The following C1QTNF3 variants were observed in gnomAD, a reference collection of about 807,000 sequenced individuals.
C1QTNF3 encodes the protein C1q and TNF related 3.
Under a neutral mutation model 32.6 loss-of-function variants are expected in C1QTNF3, and 26 were observed. The ratio of observed to expected loss-of-function variants is 0.80; its 90% CI spans 0.58 to 1.11. The LOEUF is 1.11. Ranked by LOEUF, C1QTNF3 falls within the 50% of genes least tolerant of loss-of-function variation. C1QTNF3 has a pLI of 0.00. For missense variants in C1QTNF3, 362 were observed against 398.2 expected (o/e 0.91, Z 0.77); for synonymous variants, 155 against 146.0 (o/e 1.06, Z -0.44).
At chr5:34,069,632 A>C in the C1QTNF3 span, among the ~76,000 whole-genome samples, 2 of 152,210 alleles carry the variant, frequency 1.3e-5, no homozygotes, top group Non-Finnish European at 2.9e-5. Context: ...ATTCTCAAAT[A>C]AAGGGAATGG....
At chr5:34,112,681 C>CA in the C1QTNF3 span, among the ~76,000 whole-genome samples, 4 of 151,614 alleles carry the variant, frequency 2.6e-5, no homozygotes, top group African/African-American at 4.8e-5. Flanking sequence ...AACAAACAGA[C>CA]AAAAAAAACC....
chr5:34,110,394 CT>C, the C1QTNF3 span, among the ~76,000 whole-genome samples: 1 of 152,024 alleles, frequency 6.6e-6, no homozygotes, highest in Non-Finnish European at 1.5e-5. Context: ...TCTGCACACC[CT>C]TCTTCCTCAA....
At chr5:34,072,377 G>GAAAT in the C1QTNF3 span, among the ~76,000 whole-genome samples, 1 of 143,828 alleles carries the variant, frequency 7.0e-6, no homozygotes, top group East Asian at 2.0e-4. Flanking sequence ...GAAAGAGAAA[G>GAAAT]AAAGAAAGAA....
the C1QTNF3 span, among the ~76,000 whole-genome samples, chr5:34,238,044 C>A: frequency 6.6e-6 from 1 of 152,204 alleles, no homozygotes; most frequent in African/African-American, 2.4e-5. Context: ...TACATATACA[C>A]CTGTGAAACC....
chr5:34,027,101 TAAAC>T (rs1183755860), intron 4 of C1QTNF3, among the ~76,000 whole-genome samples: 1 of 152,224 alleles, frequency 6.6e-6, no homozygotes, highest in Non-Finnish European at 1.5e-5. Context: ...GGAAGATGGT[TAAAC>T]AAAATATGAG....
the C1QTNF3 span, among the ~76,000 whole-genome samples, chr5:34,223,622 T>C: frequency 6.6e-6 from 1 of 151,910 alleles, no homozygotes; most frequent in Non-Finnish European, 1.5e-5. Context: ...TCGAACTAGT[T>C]TACAGTCCCA....
chr5:34,101,734 T>A, the C1QTNF3 span, among the ~76,000 whole-genome samples: 1 of 152,166 alleles, frequency 6.6e-6, no homozygotes, highest in Non-Finnish European at 1.5e-5. Context: ...CCTGTAAAAT[T>A]CCCACCTTTG....
chr5:34,143,345 T>C, the C1QTNF3 span, among the ~76,000 whole-genome samples: 1 of 152,170 alleles, frequency 6.6e-6, no homozygotes, highest in African/African-American at 2.4e-5. Flanking sequence ...ATGAAAGACT[T>C]GTAAAATACA....
At chr5:34,213,786 C>CATACATATATATATAT in the C1QTNF3 span, among the ~76,000 whole-genome samples, 1 of 15,456 alleles carries the variant, frequency 6.5e-5, no homozygotes, top group African/African-American at 1.8e-4. Flanking sequence ...TGTATATATA[C>CATACATATATATATAT]ATATATATAT....
chr5:34,030,022 A>G (rs1754571846), intron 3 of C1QTNF3, among the ~76,000 whole-genome samples: 1 of 152,186 alleles, frequency 6.6e-6, no homozygotes, highest in South Asian at 2.1e-4. Context: ...GTGAAAAGAT[A>G]TTACGTAAAT....
the C1QTNF3 span, among the ~76,000 whole-genome samples, chr5:34,099,469 T>A: frequency 6.6e-5 from 10 of 152,110 alleles, no homozygotes; most frequent in African/African-American, 2.4e-4. Context: ...AGTGTGAAAA[T>A]GTCAACTTAA....
At chr5:34,170,172 A>T in the C1QTNF3 span, among the ~76,000 whole-genome samples, 1 of 152,160 alleles carries the variant, frequency 6.6e-6, no homozygotes, top group Non-Finnish European at 1.5e-5. Context: ...TAAGTGAAAT[A>T]AGCCAGTCAC....
chr5:34,240,769 G>A, the C1QTNF3 span, among the ~76,000 whole-genome samples: 9 of 152,174 alleles, frequency 5.9e-5, no homozygotes, highest in Non-Finnish European at 8.8e-5. Context: ...AACTCATGCT[G>A]TGAAGCCAGA....
At chr5:34,114,489 CT>C in the C1QTNF3 span, among the ~76,000 whole-genome samples, 3 of 152,108 alleles carry the variant, frequency 2.0e-5, no homozygotes, top group Non-Finnish European at 4.4e-5. Context: ...TATCAAATCA[CT>C]GAGACATCTA....
the C1QTNF3 span, among the ~76,000 whole-genome samples, chr5:34,217,608 G>T: frequency 6.6e-6 from 1 of 152,126 alleles, no homozygotes; most frequent in African/African-American, 2.4e-5. Context: ...GTTTCACACG[G>T]CTTATGTTAA....
At chr5:34,128,492 C>A in the C1QTNF3 span, among the ~76,000 whole-genome samples, 1 of 152,190 alleles carries the variant, frequency 6.6e-6, no homozygotes, top group African/African-American at 2.4e-5. Flanking sequence ...GAAAAGCTGT[C>A]GGCACTCAAT....
chr5:34,178,554 G>A, the C1QTNF3 span, among the ~76,000 whole-genome samples: 1 of 152,424 alleles, frequency 6.6e-6, no homozygotes, highest in East Asian at 1.9e-4. Context: ...GCCAGGTTTG[G>A]GCCAGATGAA....
chr5:34,222,041 G>T, the C1QTNF3 span, among the ~76,000 whole-genome samples: 2 of 151,874 alleles, frequency 1.3e-5, no homozygotes, highest in Non-Finnish European at 2.9e-5. Flanking sequence ...CTGAATCAAA[G>T]CATTTTCCTA....
the C1QTNF3 span, among the ~76,000 whole-genome samples, chr5:34,214,088 G>A: frequency 2.0e-5 from 3 of 150,864 alleles, no homozygotes; most frequent in African/African-American, 7.3e-5. Flanking sequence ...GGGATTACAG[G>A]TGTGAGTCAC....
Sources: allele counts gnomAD v4.1 joint callset (sites outside exome capture counted in the v4.1 genomes callset), GRCh38; gene constraint gnomAD v4.1.1; transcripts MANE v1.5; gene names NCBI Gene and HGNC (gene_info 2026-07-23, HGNC 2026-07-21).